Variants in HIC1 observed in about 807,000 individuals in gnomAD.
HIC1 encodes hypermethylated in cancer 1 protein.
HIC1 carries 9 observed loss-of-function variants against 26.4 expected under a neutral mutation model. The ratio of observed to expected loss-of-function variants is 0.34; its 90% confidence interval spans 0.21 to 0.59. The LOEUF (loss-of-function observed/expected upper bound fraction) is 0.59, where lower values mean the gene tolerates loss of function less well. HIC1 is among the 20% of genes least tolerant of loss of function. HIC1 has a pLI of 0.82. For synonymous variants in HIC1, 631 were observed against 523.1 expected, an observed-to-expected ratio of 1.21 and a Z score of -2.81; for missense variants, 965 against 1,075.7, an observed-to-expected ratio of 0.90 and a Z score of 1.44.
In HIC1 at chr17:2,058,135, G is replaced by A. The variant is rs775173256; in HGVS notation, c.1445G>A (p.Gly482Glu). The change falls in exon 2 of 2, where the codon GGA becomes GAA. Residue 482 changes from glycine to glutamate, a missense_variant. By Grantham distance (98) the Gly-to-Glu change is moderately conservative (BLOSUM62 -2). Transcript: ENST00000619757. ...DKVAGAPGGL[G>E]ELLRPYRCAS... ...GTCGCCGGGGCTCCGGGTGGCCTGG[G>A]AGAGCTGCTGCGGCCCTACCGCTGC... The A allele has an allele frequency of 1.2e-5, 19 of 1,605,750 alleles. No homozygotes were observed. In the African/African-American group the frequency reaches 2.1e-4, roughly 18 times the overall value.
rs2067707499 is a variant in HIC1 at position 2,059,127 on chromosome 17, C to T, written c.*292C>T. On this transcript the variant is annotated 3_prime_UTR_variant, in exon 2 of 2. Transcript: ENST00000619757. ...CCTCCCGCCTCTTCCTGTGGTTCGT[C>T]GGCCCCCTCCCCCGGCTCCGCGCTG... 2 of 342,754 alleles carry T rather than the reference C, an allele frequency of 5.8e-6. No homozygotes were observed. Among genetic ancestry groups the T allele is most frequent in the South Asian group, 9.7e-5 (1 of 10,268 alleles). The allele number at this position is 342,754 out of a possible 1,614,324, so 21.2% of individuals were successfully genotyped here.
At position 2,061,474 on chromosome 17, in the gene HIC1, G is replaced by GGC. The variant is rs753809183; in HGVS notation, c.*2640_*2641dup. The GGC allele has an allele frequency of 2.6e-5, 40 of 1,566,512 alleles. 1 individual carries two copies. In the African/African-American group the frequency reaches 4.7e-4, roughly 19 times the overall value. On this transcript the variant is annotated 3_prime_UTR_variant, in exon 2 of 2. Coordinates refer to ENST00000619757, the MANE Select transcript of HIC1 (RefSeq NM_006497.4). ...TTCAGGAACGGTTCCACGGGGGGGG[G>GGC]GCCCCAGTGTGGCTCCCTCAGCCCA...
Position 2,058,732 on chromosome 17 carries a change from A to G in HIC1, c.2042A>G (p.Glu681Gly). The change falls in exon 2 of 2, where the codon GAG becomes GGG. Residue 681 changes from glutamate (E) to glycine (G), a missense_variant. By Grantham distance (98) the Glu-to-Gly change is moderately conservative. Transcript: ENST00000619757. ...TACCCGCTGGCCAAGTTCACGGCCG[A>G]GCTGGGCCTCAGCCCCGACAAGGCG... ...SLYPLAKFTA[E>G]LGLSPDKAAE... 2 of 1,533,784 alleles carry G rather than the reference A, an allele frequency of 1.3e-6. No individual in the cohort carries two copies. Among genetic ancestry groups the G allele is most frequent in the Non-Finnish European group, 8.7e-7 (1 of 1,144,266 alleles).
Position 2,056,756 on chromosome 17 carries a change from C to T in HIC1, c.66C>T (p.Arg22=). 5 of 1,612,138 alleles carry T rather than the reference C, an allele frequency of 3.1e-6. No homozygotes were observed. Among genetic ancestry groups the T allele is most frequent in the Non-Finnish European group, 4.2e-6 (5 of 1,179,454 alleles). ...TGCTGCTGCAGCTCAACAACCAGCG[C>T]ACCAAGGGCTTCTTGTGCGACGTGA... The part of the protein sequence containing the change: ...RQLLLQLNNQ[R]TKGFLCDVII... Residue 22 remains arginine, a synonymous_variant, in exon 2 of 2, where the codon CGC becomes CGT. Transcript: ENST00000619757.
intron 1 of HIC1, 147 bp from the exon 2 acceptor site, chr17:2,056,524 C>A (rs553746399): frequency 2.2e-6 from 3 of 1,348,956 alleles, no homozygotes; most frequent in South Asian, 1.3e-5. Context: ...CTCCAGAGGG[C>A]AGCCGGTCCT....
At chr17:2,056,262 G>C in intron 1 of HIC1, 1 of 1,545,122 alleles carries the variant, frequency 6.5e-7, no homozygotes, top group Non-Finnish European at 8.9e-7. Context: ...GGAGGCGCTG[G>C]TTCCTCGGCT....
intron 1 of HIC1, 105 bp from the exon 2 acceptor site, chr17:2,056,566 C>T (rs1006537411): frequency 1.0e-5 from 15 of 1,431,334 alleles, no homozygotes; most frequent in African/African-American, 1.4e-5. Context: ...GGCTGATGCC[C>T]CCGCTCAGCT....
Position 2,057,218 on chromosome 17 carries a change from T to TCCGCCG in HIC1, c.534_539dup (p.Pro179_Pro180dup). The stretch of plus-strand genomic sequence containing the variant: ...CCTGCTACCCGTCCCCAGTCGGGCC[T>TCCGCCG]CCGCCGCCGCCTGCCGCGGAGCCGC... On this transcript the variant is annotated inframe_insertion, in exon 2 of 2. Transcript: ENST00000619757. The TCCGCCG allele has an allele frequency of 7.1e-7, 1 of 1,400,550 alleles. No individual in the cohort carries two copies. Among genetic ancestry groups the TCCGCCG allele is most frequent in the Non-Finnish European group, 9.3e-7 (1 of 1,080,286 alleles). 86.8% of individuals were successfully genotyped at this position (1,400,550 alleles called of 1,614,324 possible).
Position 2,061,525 on chromosome 17 carries a change from G to A in HIC1, c.*2690G>A. On this transcript the variant is annotated 3_prime_UTR_variant, in exon 2 of 2. Coordinates refer to ENST00000619757, the MANE Select transcript of HIC1 (RefSeq NM_006497.4). ...CCTGGGCCCACGTGAGGAAGGCTGG[G>A]ATGTCCCGTACAGGAACATTCCTTG... is the stretch of plus-strand genomic sequence containing the variant. 1.3e-6 allele frequency: 2 copies of A among 1,575,260 alleles called. No homozygotes were observed. The highest frequency in any genetic ancestry group is 2.7e-5 in the African/African-American group (2 of 74,252).
In HIC1 at chr17:2,060,347, AGT is replaced by A. The variant is rs1452828706; in HGVS notation, c.*1514_*1515del. The A allele has an allele frequency of 6.6e-6, 1 of 152,192 alleles. No individual in the cohort carries two copies. The highest frequency in any genetic ancestry group is 1.5e-5 in the Non-Finnish European group (1 of 68,044). 9.4% of individuals were successfully genotyped at this position (152,192 alleles called of 1,614,324 possible). A position where few individuals can be genotyped will look rare whatever the true frequency, so the allele number is the denominator to read the frequency against. On this transcript the variant is annotated 3_prime_UTR_variant, in exon 2 of 2. Coordinates refer to ENST00000619757, the MANE Select transcript of HIC1 (RefSeq NM_006497.4). ...TGTGTCAGTGTCAGTTTTTCCGGGG[AGT>A]GAGGGCAAAGCTAGAAACCAGGTTA...
In HIC1 at chr17:2,056,254, A is replaced by T. The variant is rs376520855; in HGVS notation, c.-20-417A>T. The T allele has an allele frequency of 2.9e-4, 420 of 1,468,206 alleles. 1 individual carries two copies. Among genetic ancestry groups the T allele is most frequent in the Middle Eastern group, 1.7e-4 (1 of 5,808 alleles). 90.9% of individuals were successfully genotyped at this position (1,468,206 alleles called of 1,614,324 possible). ...CTGGGGCAACTTCTCCCGAGGCGGGAGGCGCTGGTTCCTCGGCTCCCTTTC... is the reference window on the plus strand; with the variant it reads ...CTGGGGCAACTTCTCCCGAGGCGGGTGGCGCTGGTTCCTCGGCTCCCTTTC... On this transcript the variant is annotated intron_variant, in intron 1 of 1. Coordinates refer to ENST00000619757, the MANE Select transcript of HIC1 (RefSeq NM_006497.4).
Position 2,057,581 on chromosome 17 carries a change from C to T in HIC1, c.891C>T (p.Pro297=). 1 of 1,504,834 alleles carries T rather than the reference C, an allele frequency of 6.6e-7. No homozygotes were observed. Among genetic ancestry groups the T allele is most frequent in the African/African-American group, 1.4e-5 (1 of 69,362 alleles). 93.2% of individuals were successfully genotyped at this position (1,504,834 alleles called of 1,614,324 possible). A position where few individuals can be genotyped will look rare whatever the true frequency, so the allele number is the denominator to read the frequency against. ...PFRGGSGSPG[P]EPPGRPDGPS... ...GCGGCGGCAGCGGCAGCCCGGGACC[C>T]GAGCCCCCCGGCCGCCCCGACGGGC... Residue 297 remains proline (P), a synonymous_variant, in exon 2 of 2, where the codon CCC becomes CCT. Coordinates refer to ENST00000619757, the MANE Select transcript of HIC1 (RefSeq NM_006497.4).
rs892419493 is a variant in HIC1, at chr17:2,055,917, G to C, written c.-21+679G>C. On this transcript the variant is annotated intron_variant, in intron 1 of 1. Coordinates refer to ENST00000619757, the MANE Select transcript of HIC1 (RefSeq NM_006497.4). The surrounding 1 kb of genome is among the most constrained non-coding windows in gnomAD (Gnocchi z 6.4). Reference sequence around the variant, plus strand: ...AGGGCCCAGGCCGAGGCCGGGACGCGGGTGGGGCGCAGGCCCGGGTCAGGG... The same window carrying C: ...AGGGCCCAGGCCGAGGCCGGGACGCCGGTGGGGCGCAGGCCCGGGTCAGGG... Among the ~76,000 whole-genome samples the C allele has an allele frequency of 6.6e-6, 1 of 150,404 alleles. No homozygotes were observed. The highest frequency in any genetic ancestry group is 2.4e-5 in the African/African-American group (1 of 41,144).
At position 2,057,872 on chromosome 17, in the gene HIC1, C is replaced by A; in HGVS notation, c.1182C>A (p.Gly394=). Reference sequence around the variant, plus strand: ...GCAGCGAGGACCCCAGCCCGCCTGGCGGCCACCTCGAGGGCTACCCATGCC... The same window carrying A: ...GCAGCGAGGACCCCAGCCCGCCTGGAGGCCACCTCGAGGGCTACCCATGCC... ...TGSSEDPSPP[G]GHLEGYPCPH... Residue 394 remains glycine (G), a synonymous_variant, in exon 2 of 2, where the codon GGC becomes GGA. Transcript: ENST00000619757. 1 of 1,595,536 alleles carries A rather than the reference C, an allele frequency of 6.3e-7. No individual in the cohort carries two copies. The highest frequency in any genetic ancestry group is 8.5e-7 in the Non-Finnish European group (1 of 1,172,000).
In HIC1 at chr17:2,059,730, G is replaced by A. The variant is rs1046458704; in HGVS notation, c.*895G>A. ...TCTTCTGCCCCTGCACAAGGACCTG[G>A]ATGGGCTGCGCCCGCTGGGTGGAGG... On this transcript the variant is annotated 3_prime_UTR_variant, in exon 2 of 2. Transcript: ENST00000619757. 1.2e-5 allele frequency: 2 copies of A among 167,182 alleles called. No homozygotes were observed. The highest frequency in any genetic ancestry group is 6.5e-5 in the Admixed American group (1 of 15,314). The allele number at this position is 167,182 out of a possible 1,614,324, so 10.4% of individuals were successfully genotyped here. A position where few individuals can be genotyped will look rare whatever the true frequency, so the allele number is the denominator to read the frequency against.
At position 2,061,804 on chromosome 17, in the gene HIC1, A is replaced by G. The variant is rs1442123085; in HGVS notation, c.*2969A>G. On this transcript the variant is annotated 3_prime_UTR_variant, in exon 2 of 2. Coordinates refer to ENST00000619757, the MANE Select transcript of HIC1 (RefSeq NM_006497.4). Reference sequence around the variant, plus strand: ...CCCGGGGACCCTCCCCTGCTGGCCTAGAGAGGGCTGCACTGGGCTTCTGCC... The same window carrying G: ...CCCGGGGACCCTCCCCTGCTGGCCTGGAGAGGGCTGCACTGGGCTTCTGCC... 4.7e-6 allele frequency: 3 copies of G among 633,380 alleles called. No individual in the cohort carries two copies. The highest frequency in any genetic ancestry group is 1.9e-5 in the South Asian group (1 of 53,476). The allele number at this position is 633,380 out of a possible 1,614,324, so 39.2% of individuals were successfully genotyped here.
At position 2,061,182 on chromosome 17, in the gene HIC1, C is replaced by T. The variant is rs943326157; in HGVS notation, c.*2347C>T. Reference sequence around the variant, plus strand: ...GCCCTCCCTCAGCCTTGGAATGAGACGGGGGAGGGAGAAAGGCTGAGAGCA... The same window carrying T: ...GCCCTCCCTCAGCCTTGGAATGAGATGGGGGAGGGAGAAAGGCTGAGAGCA... On this transcript the variant is annotated 3_prime_UTR_variant, in exon 2 of 2. Coordinates refer to ENST00000619757, the MANE Select transcript of HIC1 (RefSeq NM_006497.4). 26 of 291,320 alleles carry T rather than the reference C, an allele frequency of 8.9e-5. No individual in the cohort carries two copies. Among genetic ancestry groups the T allele is most frequent in the Middle Eastern group, 1.2e-3 (1 of 864 alleles). The allele number at this position is 291,320 out of a possible 1,614,324, so 18.0% of individuals were successfully genotyped here. A position where few individuals can be genotyped will look rare whatever the true frequency, so the allele number is the denominator to read the frequency against.
Position 2,057,191 on chromosome 17 carries a change from G to A in HIC1, c.501G>A (p.Gln167=). Residue 167 remains glutamine (Q), a synonymous_variant, in exon 2 of 2, where the codon CAG becomes CAA. Transcript: ENST00000619757. ...RGLRAATPVI[Q]ACYPSPVGPP... is the part of the protein sequence containing the mutation. Reference sequence around the variant, plus strand: ...TGCGGGCCGCCACGCCGGTCATCCAGGCCTGCTACCCGTCCCCAGTCGGGC... The same window carrying A: ...TGCGGGCCGCCACGCCGGTCATCCAAGCCTGCTACCCGTCCCCAGTCGGGC... 1 of 1,379,562 alleles carries A rather than the reference G, an allele frequency of 7.2e-7. No individual in the cohort carries two copies. Among genetic ancestry groups the A allele is most frequent in the Non-Finnish European group, 9.3e-7 (1 of 1,069,548 alleles). The allele number at this position is 1,379,562 out of a possible 1,614,324, so 85.5% of individuals were successfully genotyped here. A position where few individuals can be genotyped will look rare whatever the true frequency, so the allele number is the denominator to read the frequency against.
chr17:2,056,596 G>A (rs369923353), intron 1 of HIC1, 75 bp from the exon 2 acceptor site: 5 of 1,460,742 alleles, frequency 3.4e-6, no homozygotes, highest in Non-Finnish European at 2.7e-6. Flanking sequence ...GGAAGTGGAG[G>A]GGAGAAGTGC....
Sources: allele counts gnomAD v4.1 joint callset (sites outside exome capture counted in the v4.1 genomes callset), GRCh38; gene constraint gnomAD v4.1.1; non-coding constraint Gnocchi (gnomAD v3.1); transcripts MANE v1.5; gene names NCBI Gene and HGNC (gene_info 2026-07-23, HGNC 2026-07-21).